The following FSCN3 variants were observed in gnomAD, a reference collection of about 807,000 sequenced individuals.
FSCN3 encodes fascin actin-bundling protein 3, also known as fascin-3.
A neutral mutation model predicts 53.5 loss-of-function variants in FSCN3; 43 were observed. The ratio of observed to expected loss-of-function variants is 0.80; its 90% confidence interval spans 0.63 to 1.04. The LOEUF (loss-of-function observed/expected upper bound fraction) is 1.04. FSCN3 is among the 50% of genes least tolerant of loss of function. FSCN3 has a pLI of 0.00. For missense variants in FSCN3, 594 were observed against 646.5 expected (o/e 0.92, Z 0.88); for synonymous variants, 235 against 246.6 (o/e 0.95, Z 0.44).
chr7:127,598,410 T>G, intron 3 of FSCN3, 25 bp from the exon 4 acceptor site: 1 of 1,609,592 alleles, frequency 6.2e-7, no homozygotes, highest in Admixed American at 1.7e-5. Flanking sequence ...TTACTCCTCA[T>G]CTCTGTTTCT....
chr7:127,595,820 C>G lies in FSCN3; in HGVS notation c.658C>G (p.Arg220Gly), dbSNP rs760881450. 1 of 1,613,170 alleles carries G rather than the reference C, an allele frequency of 6.2e-7. No homozygotes were observed. Among genetic ancestry groups the G allele is most frequent in the Non-Finnish European group, 8.5e-7 (1 of 1,179,480 alleles). Residue 220 changes from arginine to glycine, a missense_variant, in exon 2 of 7, where the codon CGG becomes GGG. Arg to Gly is a moderately radical substitution (Grantham distance 125, BLOSUM62 -2). Transcript: ENST00000265825. ...ACAGACAGCTTTTCACATGCAAGTG[C>G]GGCCTGGAGGGCTTGTGGCACTGTG... ...SSQTAFHMQV[R>G]PGGLVALCDG...
At chr7:127,594,046 G>A in intron 1 of FSCN3, 49 bp downstream of exon 1, 1 of 1,356,566 alleles carries the variant, frequency 7.4e-7, no homozygotes, top group African/African-American at 1.5e-5. Context: ...TGGCCAAGCT[G>A]TGTGTGTGTG....
intron 3 of FSCN3, among the ~76,000 whole-genome samples, chr7:127,597,023 C>T (rs1460411003): frequency 2.0e-5 from 3 of 152,226 alleles, no homozygotes; most frequent in Admixed American, 6.5e-5. Context: ...TTTTAAGGTT[C>T]GTTCACATAA....
chr7:127,600,070 G>A (rs1034132724), intron 5 of FSCN3, 124 bp from the exon 6 acceptor site: 18 of 640,122 alleles, frequency 2.8e-5, no homozygotes, highest in East Asian at 8.0e-5. Flanking sequence ...AGAAGGACCC[G>A]CCAATGCAGG....
chr7:127,594,070 G>C, intron 1 of FSCN3, 73 bp downstream of exon 1: 1 of 1,501,814 alleles, frequency 6.7e-7, no homozygotes, highest in South Asian at 1.2e-5. Context: ...GCGCGCGCGC[G>C]TGTGTGTGCG....
rs754391346 is a variant in FSCN3 at position 127,593,989 on chromosome 7, A to C, written c.136A>C (p.Arg46=). 1.2e-6 allele frequency: 2 copies of C among 1,612,872 alleles called. No homozygotes were observed. The highest frequency in any genetic ancestry group is 1.7e-6 in the Non-Finnish European group (2 of 1,179,550). ...CACTGCAACTGCGAAGAGTTTGGGCAGGAGACAGGTGACAAAGCAAACCCA... is the reference window on the plus strand; with the variant it reads ...CACTGCAACTGCGAAGAGTTTGGGCCGGAGACAGGTGACAAAGCAAACCCA... The part of the protein sequence containing the change: ...TVTATAKSLG[R]RQTWEILVSN... The change falls in exon 1 of 7, where the codon AGG becomes CGG. Residue 46 remains arginine, a synonymous_variant. Coordinates refer to ENST00000265825, the MANE Select transcript of FSCN3 (RefSeq NM_020369.3).
In FSCN3 at chr7:127,600,297, C is replaced by T. The variant is rs1363000096; in HGVS notation, c.1395C>T (p.Leu465=). The change falls in exon 6 of 7, where the codon CTC becomes CTT. Residue 465 remains leucine (L), a synonymous_variant. Coordinates refer to ENST00000265825, the MANE Select transcript of FSCN3 (RefSeq NM_020369.3). Reference sequence around the variant, plus strand: ...TCGAGCTTCAGGGGAGCAACTTACTCACTGTACTGGCCCCCAATGGCTTCT... The same window carrying T: ...TCGAGCTTCAGGGGAGCAACTTACTTACTGTACTGGCCCCCAATGGCTTCT... ...FCIELQGSNL[L]TVLAPNGFYM... is the part of the protein sequence containing the mutation. 6.2e-7 allele frequency: 1 copy of T among 1,610,444 alleles called. No homozygotes were observed. Among genetic ancestry groups the T allele is most frequent in the Admixed American group, 1.7e-5 (1 of 60,028 alleles).
In FSCN3 at chr7:127,596,408, G is replaced by C. The variant is rs1311296293; in HGVS notation, c.922G>C (p.Val308Leu). Residue 308 changes from valine to leucine, a missense_variant, in exon 3 of 7, where the codon GTG (valine) becomes CTG (leucine). Val to Leu is a conservative substitution (Grantham distance 32, BLOSUM62 1). Transcript: ENST00000265825. ...TGAATGTGACAGTGAGAGCCCCACT[G>C]TGCAGCTTCGTTCAGCCAATGGCTA... The part of the protein sequence containing the change: ...QFECDSESPT[V>L]QLRSANGYYL... 3 of 1,607,418 alleles carry C rather than the reference G, an allele frequency of 1.9e-6. No homozygotes were observed. Among genetic ancestry groups the C allele is most frequent in the Non-Finnish European group, 2.6e-6 (3 of 1,173,898 alleles).
chr7:127,596,199 C>A, intron 2 of FSCN3, 129 bp from the exon 3 acceptor site: 2 of 1,512,126 alleles, frequency 1.3e-6, no homozygotes, highest in Non-Finnish European at 1.8e-6. Flanking sequence ...TAGGTCTTCT[C>A]CAGACCTACC....
At chr7:127,599,796 T>C (rs1212950053) in intron 5 of FSCN3, among the ~76,000 whole-genome samples, 2 of 151,660 alleles carry the variant, frequency 1.3e-5, no homozygotes, top group African/African-American at 4.8e-5. Context: ...ATACAAAAAA[T>C]TAGCCGGGCG....
At chr7:127,599,253 T>C in intron 4 of FSCN3, 128 bp from the exon 5 acceptor site, 1 of 717,954 alleles carries the variant, frequency 1.4e-6, no homozygotes, top group Admixed American at 2.1e-5. Flanking sequence ...ACCTGACACA[T>C]AGTAGGTGTT....
Position 127,600,217 on chromosome 7 carries a change from A to G in FSCN3, c.1315A>G (p.Ile439Val). ...FQAQGGSFWS[I>V]TSFGTFRPWG... is the part of the protein sequence containing the mutation. ...AGCACAGGGGGGATCCTTCTGGTCA[A>G]TAACATCCTTTGGCACCTTTCGCCC... The change falls in exon 6 of 7, where the codon ATA becomes GTA. Residue 439 changes from isoleucine (I) to valine (V), a missense_variant. Transcript: ENST00000265825. 6.2e-7 allele frequency: 1 copy of G among 1,607,922 alleles called. No individual in the cohort carries two copies. The highest frequency in any genetic ancestry group is 1.1e-5 in the South Asian group (1 of 90,966).
At position 127,600,311 on chromosome 7, in the gene FSCN3, C is replaced by G. The variant is rs745982988; in HGVS notation, c.1409C>G (p.Pro470Arg). Residue 470 changes from proline to arginine, a missense_variant, in exon 6 of 7, where the codon CCC (proline) becomes CGC (arginine). Transcript: ENST00000265825. ...QGSNLLTVLA[P>R]NGFYMRADQS... ...AGCAACTTACTCACTGTACTGGCCC[C>G]CAATGGCTTCTACATGCGAGCCGAC... The G allele has an allele frequency of 1.2e-6, 2 of 1,612,496 alleles. No homozygotes were observed. The highest frequency in any genetic ancestry group is 2.2e-5 in the South Asian group (2 of 91,060).
Position 127,593,798 on chromosome 7 carries a change from T to TCAC in FSCN3, c.-52_-50dup. 6.5e-7 allele frequency: 1 copy of TCAC among 1,545,544 alleles called. No homozygotes were observed. ...TCCAGGCCCTATGGCCTGTGGAACC[T>TCAC]CACCACGGGGGGGAGGGCTGGGCCA... is the stretch of plus-strand genomic sequence containing the variant. On this transcript the variant is annotated 5_prime_UTR_variant, in exon 1 of 7. Coordinates refer to ENST00000265825, the MANE Select transcript of FSCN3 (RefSeq NM_020369.3).
rs372431088 is a variant in FSCN3, at chr7:127,598,441, C to T, written c.967C>T (p.His323Tyr). The change falls in exon 4 of 7, where the codon CAC (histidine) becomes TAC (tyrosine). Residue 323 changes from histidine to tyrosine, a missense_variant. Physicochemically the swap from His to Tyr is moderately conservative, Grantham distance 83 (BLOSUM62 2). Transcript: ENST00000265825. ...ANGYYLSQRR[H>Y]RAVMADGHPL... ...TTTCTGACATTCTTTCCAGAGGCGC[C>T]ACAGGGCAGTAATGGCTGATGGGCA... The T allele has an allele frequency of 6.2e-7, 1 of 1,613,716 alleles. No homozygotes were observed. Among genetic ancestry groups the T allele is most frequent in the African/African-American group, 1.3e-5 (1 of 74,930 alleles).
At chr7:127,601,068 CCTTT>C (rs1794467582) in intron 6 of FSCN3, among the ~76,000 whole-genome samples, 3 of 152,192 alleles carry the variant, frequency 2.0e-5, no homozygotes, top group Non-Finnish European at 4.4e-5. Context: ...ATCTCTCCAC[CCTTT>C]CTTTCACTTC....
intron 2 of FSCN3, 122 bp downstream of exon 2, chr7:127,596,125 G>A (rs1472743491): frequency 6.7e-7 from 1 of 1,486,222 alleles, no homozygotes; most frequent in Non-Finnish European, 8.9e-7. Flanking sequence ...GGGACCCAAG[G>A]GGATCTTTTG....
At chr7:127,596,045 G>A (rs1456979011) in intron 2 of FSCN3, 42 bp downstream of exon 2, 3 of 1,510,818 alleles carry the variant, frequency 2.0e-6, no homozygotes, top group Non-Finnish European at 2.7e-6. Context: ...GAGAGGGCTG[G>A]CTGTTAAAAA....
intron 3 of FSCN3, among the ~76,000 whole-genome samples, chr7:127,597,480 A>ATT (rs11415174): frequency 7.0e-6 from 1 of 142,676 alleles, no homozygotes; most frequent in Non-Finnish European, 1.5e-5. Context: ...AAGGTTTAGA[A>ATT]TTTTTTTTTT....
Sources: allele counts gnomAD v4.1 joint callset (sites outside exome capture counted in the v4.1 genomes callset), GRCh38; gene constraint gnomAD v4.1.1; transcripts MANE v1.5; gene names NCBI Gene and HGNC (gene_info 2026-07-23, HGNC 2026-07-21).